The following CDC42EP4 variants were observed in gnomAD, a reference collection of about 807,000 sequenced individuals.
The protein encoded by CDC42EP4 is CDC42 effector protein (Rho GTPase binding) 4.
CDC42EP4 carries 6 observed loss-of-function variants against 5.6 expected under a neutral mutation model. The ratio of observed to expected loss-of-function variants is 1.07; its 90% CI spans 0.59 to 2.12. CDC42EP4 has a LOEUF of 2.12. Ranked by LOEUF, CDC42EP4 falls within the 30% of genes most tolerant of loss-of-function variation. CDC42EP4 has a pLI of 0.00. For missense variants in CDC42EP4, 490 were observed against 508.6 expected (o/e 0.96, Z 0.35); for synonymous variants, 230 against 224.2 (o/e 1.03, Z -0.23).
intron 1 of CDC42EP4, among the ~76,000 whole-genome samples, chr17:73,299,424 C>T (rs1478481494): frequency 4.9e-5 from 6 of 123,568 alleles, no homozygotes; most frequent in Admixed American, 2.8e-4. Context: ...AGCGAGACTC[C>T]GTCCTAAAAA....
intron 1 of CDC42EP4, among the ~76,000 whole-genome samples, chr17:73,299,203 C>T (rs190017871): frequency 6.6e-6 from 1 of 152,096 alleles, no homozygotes; most frequent in Admixed American, 6.6e-5. Context: ...GCGGGCAGAT[C>T]ACGAGGTCAG....
At chr17:73,296,543 C>A (rs555132904) in intron 1 of CDC42EP4, among the ~76,000 whole-genome samples, 1 of 152,014 alleles carries the variant, frequency 6.6e-6, no homozygotes, top group Non-Finnish European at 1.5e-5. Flanking sequence ...AAAGTGGGAA[C>A]TATGAAGACC....
chr17:73,286,456 C>G lies in CDC42EP4; in HGVS notation c.45G>C (p.Lys15Asn), dbSNP rs1324529596. 1.9e-6 allele frequency: 3 copies of G among 1,609,914 alleles called. No individual in the cohort carries two copies. The highest frequency in any genetic ancestry group is 1.1e-5 in the South Asian group (1 of 90,748). Residue 15 changes from lysine (K) to asparagine (N), a missense_variant, in exon 2 of 2, where the codon AAG becomes AAC. Lys to Asn is a moderately conservative substitution (Grantham distance 94, BLOSUM62 0). Coordinates refer to ENST00000335793, the MANE Select transcript of CDC42EP4 (RefSeq NM_012121.5). The surrounding 1 kb of genome is among the most constrained non-coding windows in gnomAD (Gnocchi z 7.7). The stretch of plus-strand genomic sequence containing the variant: ...CCGTGAGGTCCGCTCGGGAACGGCG[C>G]TTGGAGTGCACCGAGCTGGACACCA... ...KQLVSSSVHS[K>N]RRSRADLTAE... is the part of the protein sequence containing the mutation.
chr17:73,308,449 A>T (rs932813003), intron 1 of CDC42EP4, among the ~76,000 whole-genome samples: 2 of 151,806 alleles, frequency 1.3e-5, no homozygotes, highest in African/African-American at 2.4e-5. Context: ...ACAGGGACAA[A>T]CTCCTCTGAG....
chr17:73,285,519 G>A lies in CDC42EP4; in HGVS notation c.982C>T (p.Pro328Ser). The A allele has an allele frequency of 6.2e-7, 1 of 1,609,904 alleles. No homozygotes were observed. The highest frequency in any genetic ancestry group is 1.1e-5 in the South Asian group (1 of 90,920). The stretch of plus-strand genomic sequence containing the variant: ...GAGACAGCAGCCCGGGCCCTGTCCG[G>A]CCCCCGGAAGGCAGGGCTGCGCTCC... ...LEERSPAFRG[P>S]DRARAAVSRQ... The change falls in exon 2 of 2, where the codon CCG becomes TCG. Residue 328 changes from proline to serine, a missense_variant. Coordinates refer to ENST00000335793, the MANE Select transcript of CDC42EP4 (RefSeq NM_012121.5). The surrounding 1 kb of genome is among the most constrained non-coding windows in gnomAD (Gnocchi z 6.8).
chr17:73,289,808 AAG>A (rs749765064), intron 1 of CDC42EP4, among the ~76,000 whole-genome samples: 2 of 143,064 alleles, frequency 1.4e-5, no homozygotes, highest in Non-Finnish European at 3.1e-5. Flanking sequence ...GAAAAAAAGA[AAG>A]AGAGAAAGAA....
chr17:73,311,491 C>T (rs1278258755), intron 1 of CDC42EP4: 1 of 152,328 alleles, frequency 6.6e-6, no homozygotes, highest in Non-Finnish European at 1.5e-5. Flanking sequence ...CGCTCCTGCC[C>T]ACACCGACAC....
In CDC42EP4 at chr17:73,286,323, G is replaced by C. The variant is rs368068427; in HGVS notation, c.178C>G (p.Pro60Ala). Reference sequence around the variant, plus strand: ...TGTTCGTCCAAGGACTCGCCGTCGGGCTCGCCAGCCTTGCTATTGAGGAAG... The same window carrying C: ...TGTTCGTCCAAGGACTCGCCGTCGGCCTCGCCAGCCTTGCTATTGAGGAAG... ...TSFLNSKAGE[P>A]DGESLDEQPS... The change falls in exon 2 of 2, where the codon CCC (proline) becomes GCC (alanine). Residue 60 changes from proline to alanine, a missense_variant. Pro to Ala is a conservative substitution (Grantham distance 27, BLOSUM62 -1). Transcript: ENST00000335793. The surrounding 1 kb of genome is among the most constrained non-coding windows in gnomAD (Gnocchi z 7.7). The C allele has an allele frequency of 6.2e-7, 1 of 1,614,190 alleles. No homozygotes were observed. The highest frequency in any genetic ancestry group is 1.7e-5 in the Admixed American group (1 of 60,036).
At chr17:73,301,139 T>TA (rs1311870440) in intron 1 of CDC42EP4, among the ~76,000 whole-genome samples, 6 of 151,944 alleles carry the variant, frequency 3.9e-5, no homozygotes. Context: ...AGATTTAGTA[T>TA]AAAAAAAGAG....
chr17:73,293,024 T>C (rs1340540767), intron 1 of CDC42EP4, among the ~76,000 whole-genome samples: 5 of 152,078 alleles, frequency 3.3e-5, no homozygotes, highest in Admixed American at 2.0e-4. Context: ...GATTTTTTTA[T>C]GTTTTTAGAG....
intron 1 of CDC42EP4, among the ~76,000 whole-genome samples, chr17:73,290,756 A>G (rs1209568068): frequency 6.6e-6 from 1 of 152,182 alleles, no homozygotes; most frequent in Non-Finnish European, 1.5e-5. Context: ...TGGCGGCACG[A>G]GCCCCCAGAG....
rs1248336012 is a variant in CDC42EP4, at chr17:73,307,758, C to CTTT, written c.-113+4134_-113+4135insAAA. Among the ~76,000 whole-genome samples, 31 of 110,980 alleles carry CTTT rather than the reference C, an allele frequency of 2.8e-4. No individual in the cohort carries two copies. In the East Asian group the frequency reaches 4.2e-3, roughly 15 times the overall value. 72.8% of individuals were successfully genotyped at this position (110,980 alleles called of 152,430 possible). A position where few individuals can be genotyped will look rare whatever the true frequency, so the allele number is the denominator to read the frequency against. The stretch of plus-strand genomic sequence containing the variant: ...CCACCACGCCTGGCCCTGAATTTCT[C>CTTT]TCTTTTTTTTTTTTTTTTTTTTGAG... On this transcript the variant is annotated intron_variant, in intron 1 of 1. Transcript: ENST00000335793.
chr17:73,294,725 GT>G (rs751017255), intron 1 of CDC42EP4, among the ~76,000 whole-genome samples: 9 of 152,262 alleles, frequency 5.9e-5, no homozygotes, highest in Admixed American at 1.3e-4. Context: ...GCATTAGTAA[GT>G]TTTAGTTTAC....
Position 73,286,650 on chromosome 17 carries a change from G to A in CDC42EP4, c.-112-38C>T. The stretch of plus-strand genomic sequence containing the variant: ...AATGAGAGGCAAAGGATTAACGCGG[G>A]CTGGCCACACGGCACAAAAGCCTCT... On this transcript the variant is annotated intron_variant, in intron 1 of 1. Coordinates refer to ENST00000335793, the MANE Select transcript of CDC42EP4 (RefSeq NM_012121.5). This position sits in a 1 kb window ranked among gnomAD's most constrained non-coding sequence, Gnocchi z 7.7. The A allele has an allele frequency of 1.6e-6, 1 of 625,834 alleles. No homozygotes were observed. The highest frequency in any genetic ancestry group is 4.4e-4 in the Middle Eastern group (1 of 2,292). The allele number at this position is 625,834 out of a possible 1,614,324, so 38.8% of individuals were successfully genotyped here.
rs529225890 is a variant in CDC42EP4 at position 73,309,272 on chromosome 17, C to G, written c.-113+2621G>C. Among the ~76,000 whole-genome samples, 184 of 152,158 alleles carry G rather than the reference C, an allele frequency of 1.2e-3. 1 individual carries two copies. The highest frequency in any genetic ancestry group is 1.9e-3 in the East Asian group (10 of 5,182). On this transcript the variant is annotated intron_variant, in intron 1 of 1. Coordinates refer to ENST00000335793, the MANE Select transcript of CDC42EP4 (RefSeq NM_012121.5). ...CTGAAGTGGGAGGATAGCTTGAGCCCAGGAGGTCCAGCCTGCAGTGAGCCT... is the reference window on the plus strand; with the variant it reads ...CTGAAGTGGGAGGATAGCTTGAGCCGAGGAGGTCCAGCCTGCAGTGAGCCT...
intron 1 of CDC42EP4, among the ~76,000 whole-genome samples, chr17:73,306,016 T>A (rs1247026616): frequency 6.6e-6 from 1 of 152,176 alleles, no homozygotes; most frequent in Non-Finnish European, 1.5e-5. Context: ...GTTTCTTTCC[T>A]GATCTGAGTT....
Position 73,303,621 on chromosome 17 carries a change from C to G in CDC42EP4, c.-113+8272G>C, listed in dbSNP as rs369098920. 1.0e-4 allele frequency among the ~76,000 whole-genome samples: 15 copies of G among 150,450 alleles called. No individual in the cohort carries two copies. In the East Asian group the frequency reaches 2.3e-3, roughly 23 times the overall value. On this transcript the variant is annotated intron_variant, in intron 1 of 1. Coordinates refer to ENST00000335793, the MANE Select transcript of CDC42EP4 (RefSeq NM_012121.5). ...AGGTTGCAGTGAGATGAGATCATGC[C>G]TCTGCACTCCAGCCTGGGCAACAGA... is the stretch of plus-strand genomic sequence containing the variant.
chr17:73,301,496 C>A (rs901645172), intron 1 of CDC42EP4, among the ~76,000 whole-genome samples: 1 of 152,160 alleles, frequency 6.6e-6, no homozygotes, highest in African/African-American at 2.4e-5. Context: ...TAGGTTGTTT[C>A]CATTTTCAGT....
At chr17:73,294,650 T>C (rs1274953647) in intron 1 of CDC42EP4, among the ~76,000 whole-genome samples, 5 of 152,042 alleles carry the variant, frequency 3.3e-5, no homozygotes, top group African/African-American at 1.2e-4. Flanking sequence ...TATATACATA[T>C]ATGTGTATAT....
Sources: allele counts gnomAD v4.1 joint callset (sites outside exome capture counted in the v4.1 genomes callset), GRCh38; gene constraint gnomAD v4.1.1; non-coding constraint Gnocchi (gnomAD v3.1); transcripts MANE v1.5; gene names NCBI Gene and HGNC (gene_info 2026-07-23, HGNC 2026-07-21).